NDUFAF2: variants seen among roughly 807,000 people sequenced by gnomAD.
NDUFAF2 encodes NADH:ubiquinone oxidoreductase complex assembly factor 2.
Under a neutral mutation model 22.8 loss-of-function variants are expected in NDUFAF2, and 13 were observed. The observed-to-expected ratio is 0.57, with a 90% CI of 0.37 to 0.91. The LOEUF (loss-of-function observed/expected upper bound fraction) is 0.91, where lower values mean the gene tolerates loss of function less well. Among genes scored for constraint, NDUFAF2 ranks in the 40% least tolerant of loss-of-function variants. NDUFAF2 has a pLI of 0.01. For missense variants in NDUFAF2, 162 were observed against 195.2 expected, an observed-to-expected ratio of 0.83 and a Z score of 1.01; for synonymous variants, 53 against 64.2, an observed-to-expected ratio of 0.83 and a Z score of 0.84.
At chr5:60,951,767 G>T (rs540311044) in intron 1 of NDUFAF2, among the ~76,000 whole-genome samples, 1 of 152,072 alleles carries the variant, frequency 6.6e-6, no homozygotes, top group African/African-American at 2.4e-5. Context: ...TGAAGAATTT[G>T]TATTACTTAT....
In NDUFAF2 at chr5:60,987,217, A is replaced by T. The variant is rs951302783; in HGVS notation, c.127+41835A>T. Among the ~76,000 whole-genome samples, 6 of 152,238 alleles carry T rather than the reference A, an allele frequency of 3.9e-5. 1 individual carries two copies. The highest frequency in any genetic ancestry group is 6.5e-5 in the Admixed American group (1 of 15,286). The stretch of plus-strand genomic sequence containing the variant: ...TCCTGGACACATACATTCTCCCAAG[A>T]CTGAGCCAGGAAGAAATTGAATCCC... On this transcript the variant is annotated intron_variant, in intron 1 of 3. Coordinates refer to ENST00000296597, the MANE Select transcript of NDUFAF2 (RefSeq NM_174889.5).
At chr5:60,962,338 T>C (rs905313994) in intron 1 of NDUFAF2, among the ~76,000 whole-genome samples, 2 of 152,220 alleles carry the variant, frequency 1.3e-5, no homozygotes, top group African/African-American at 4.8e-5. Context: ...TAAAGATTTT[T>C]ATTACTCAGT....
intron 2 of NDUFAF2, among the ~76,000 whole-genome samples, chr5:61,073,607 T>C (rs1752329872): frequency 6.6e-6 from 1 of 152,250 alleles, no homozygotes; most frequent in Admixed American, 6.5e-5. Flanking sequence ...CTTTTAGTTT[T>C]TTCTTTTATA....
chr5:61,151,224 T>C (rs1741233565), intron 3 of NDUFAF2, among the ~76,000 whole-genome samples: 2 of 152,210 alleles, frequency 1.3e-5, no homozygotes, highest in Non-Finnish European at 2.9e-5. Flanking sequence ...TCAATATTAC[T>C]TGAAATTCAC....
chr5:61,005,534 A>G (rs1047575372), intron 1 of NDUFAF2, among the ~76,000 whole-genome samples: 5 of 152,198 alleles, frequency 3.3e-5, no homozygotes, highest in Admixed American at 2.0e-4. Flanking sequence ...CAATGGTTGA[A>G]CTAGTTCACA....
intron 3 of NDUFAF2, among the ~76,000 whole-genome samples, chr5:61,110,259 TTTC>T (rs145073058): frequency 0.024 from 3,668 of 151,932 alleles, 60 homozygotes; most frequent in Non-Finnish European, 0.037. Flanking sequence ...ATAGTTTTCT[TTTC>T]TTCTTCTTCT....
rs1740944725 is a variant in NDUFAF2 at position 61,136,441 on chromosome 5, C to T, written c.259-16263C>T. On this transcript the variant is annotated intron_variant, in intron 3 of 3. Transcript: ENST00000296597. ...AGTCTGCATCTGCCTCCATAACCTC[C>T]TTCAAACTTCTCTCTCAAGGTCACC... Among the ~76,000 whole-genome samples, 2 of 152,090 alleles carry T rather than the reference C, an allele frequency of 1.3e-5. 1 individual carries two copies. Among genetic ancestry groups the T allele is most frequent in the South Asian group, 4.1e-4 (2 of 4,828 alleles).
At chr5:61,014,871 G>C (rs1224644316) in intron 1 of NDUFAF2, among the ~76,000 whole-genome samples, 2 of 152,136 alleles carry the variant, frequency 1.3e-5, no homozygotes, top group Non-Finnish European at 2.9e-5. Context: ...TCTATTGTCA[G>C]TTATCCATAT....
chr5:61,126,554 T>C (rs1753037713), intron 3 of NDUFAF2, among the ~76,000 whole-genome samples: 1 of 152,078 alleles, frequency 6.6e-6, no homozygotes, highest in Non-Finnish European at 1.5e-5. Flanking sequence ...CACACTTTAA[T>C]TACCAAATTG....
intron 3 of NDUFAF2, chr5:61,115,545 C>T (rs1310810325): frequency 1.3e-5 from 2 of 152,106 alleles, no homozygotes; most frequent in African/African-American, 4.8e-5. Context: ...GCTCCCCTCT[C>T]CTCTTATAGT....
chr5:61,020,011 A>C (rs192697912), intron 1 of NDUFAF2, among the ~76,000 whole-genome samples: 1 of 152,136 alleles, frequency 6.6e-6, no homozygotes, highest in Non-Finnish European at 1.5e-5. Flanking sequence ...GATTCTATTT[A>C]GTTTCTCTAA....
rs566923204 is a variant in NDUFAF2, at chr5:61,071,067, G to A, written c.128-2058G>A. On this transcript the variant is annotated intron_variant, in intron 1 of 3. Transcript: ENST00000296597. The stretch of plus-strand genomic sequence containing the variant: ...ATAAATACTAAATTTATAGTAACTT[G>A]TTATGATGTATTTATATATGTGAAT... 5.3e-5 allele frequency among the ~76,000 whole-genome samples: 8 copies of A among 152,188 alleles called. No homozygotes were observed. The South Asian group carries it at 1.7e-3, about 32-fold the overall frequency.
intron 1 of NDUFAF2, among the ~76,000 whole-genome samples, chr5:60,992,796 T>C (rs1261163328): frequency 6.6e-6 from 1 of 152,222 alleles, no homozygotes; most frequent in African/African-American, 2.4e-5. Flanking sequence ...CTAGATATGC[T>C]ATTCAAGTTT....
At chr5:60,945,511 C>A in intron 1 of NDUFAF2, 129 bp downstream of exon 1, 1 of 1,354,120 alleles carries the variant, frequency 7.4e-7, no homozygotes, top group South Asian at 1.2e-5. Context: ...GAGAATTTCC[C>A]GAGTTCGTTC....
At chr5:61,139,934 T>C (rs895082950) in intron 3 of NDUFAF2, among the ~76,000 whole-genome samples, 2 of 152,232 alleles carry the variant, frequency 1.3e-5, no homozygotes, top group African/African-American at 4.8e-5. Flanking sequence ...CACTTTCGGA[T>C]AGGGGGACCA....
Position 61,048,284 on chromosome 5 carries a change from A to G in NDUFAF2, c.128-24841A>G, listed in dbSNP as rs1751978221. ...TTGTTTATCTATTTTAAATCAAGAA[A>G]AAACAGATAAATATTCATATTATTT... On this transcript the variant is annotated intron_variant, in intron 1 of 3. Coordinates refer to ENST00000296597, the MANE Select transcript of NDUFAF2 (RefSeq NM_174889.5). 2.0e-5 allele frequency among the ~76,000 whole-genome samples: 3 copies of G among 152,178 alleles called. 1 individual carries two copies. In the South Asian group the frequency reaches 6.2e-4, roughly 31 times the overall value.
intron 1 of NDUFAF2, among the ~76,000 whole-genome samples, chr5:61,035,327 A>T (rs1186661070): frequency 2.6e-5 from 4 of 151,594 alleles, no homozygotes; most frequent in Non-Finnish European, 5.9e-5. Flanking sequence ...CGGCCTCCCA[A>T]AGTGCTGGGA....
chr5:61,066,170 A>G (rs115516556), intron 1 of NDUFAF2, among the ~76,000 whole-genome samples: 1,812 of 152,138 alleles, frequency 0.012, 27 homozygotes, highest in African/African-American at 0.041. Flanking sequence ...AAATCTGTAC[A>G]CCAAAAACTA....
At chr5:61,004,665 T>G (rs1296590464) in intron 1 of NDUFAF2, among the ~76,000 whole-genome samples, 2 of 152,104 alleles carry the variant, frequency 1.3e-5, no homozygotes, top group Non-Finnish European at 2.9e-5. Flanking sequence ...CAGACTAGCA[T>G]GGTAACTGGC....
Sources: gnomAD v4.1 joint callset for allele counts (sites outside exome capture counted in the v4.1 genomes callset) on GRCh38, gnomAD v4.1.1 for gene constraint, MANE v1.5 for transcripts, NCBI Gene and HGNC (gene_info 2026-07-23, HGNC 2026-07-21) for gene names.